Variants in LRBA observed in about 807,000 individuals in gnomAD.
LRBA encodes lipopolysaccharide-responsive and beige-like anchor protein.
In LRBA, 176 loss-of-function variants were observed where a neutral mutation model predicts 330.0. The observed-to-expected ratio is 0.53, with a 90% CI of 0.47 to 0.60. The LOEUF (loss-of-function observed/expected upper bound fraction) is 0.60. Ranked by LOEUF, LRBA falls within the 20% of genes least tolerant of loss-of-function variation. The pLI, the probability that LRBA is intolerant of heterozygous loss-of-function variation, is 0.00. For synonymous variants in LRBA, 1,230 were observed against 1,193.0 expected (o/e 1.03, Z -0.64); for missense variants, 3,259 against 3,444.8 (o/e 0.95, Z 1.35).
intron 36 of LRBA, among the ~76,000 whole-genome samples, chr4:150,686,307 A>T (rs535121242): frequency 2.0e-5 from 3 of 152,326 alleles, no homozygotes; most frequent in Non-Finnish European, 4.4e-5. Context: ...CCTACTAAGA[A>T]CTAGAATAAC....
At chr4:150,769,663 ACC>A (rs1736289342) in intron 34 of LRBA, among the ~76,000 whole-genome samples, 1 of 152,166 alleles carries the variant, frequency 6.6e-6, no homozygotes, top group Admixed American at 6.5e-5. Flanking sequence ...TACTCAGTCT[ACC>A]AATTTAAACT....
intron 44 of LRBA, among the ~76,000 whole-genome samples, chr4:150,449,450 A>G (rs1289446403): frequency 1.3e-5 from 2 of 151,602 alleles, no homozygotes; most frequent in Non-Finnish European, 2.9e-5. Context: ...GAATCAGGAG[A>G]ACTGAGGAGC....
intron 47 of LRBA, among the ~76,000 whole-genome samples, chr4:150,370,243 C>G (rs1740068766): frequency 6.6e-6 from 1 of 152,042 alleles, no homozygotes; most frequent in South Asian, 2.1e-4. Flanking sequence ...TAAATGCTTA[C>G]AGAAGTTTTA....
At chr4:150,597,009 G>C in intron 38 of LRBA, 2 of 723,300 alleles carry the variant, frequency 2.8e-6, no homozygotes, top group Non-Finnish European at 4.6e-6. Context: ...TATTTCAAAC[G>C]CAAGTTTTGT....
intron 44 of LRBA, among the ~76,000 whole-genome samples, chr4:150,460,052 CAA>C (rs1939303391): frequency 6.6e-6 from 1 of 151,660 alleles, no homozygotes; most frequent in Admixed American, 6.6e-5. Flanking sequence ...CCCCCACCCC[CAA>C]GAGTGTTCTT....
At chr4:150,547,224 G>A (rs1454792628) in intron 40 of LRBA, among the ~76,000 whole-genome samples, 1 of 152,074 alleles carries the variant, frequency 6.6e-6, no homozygotes, top group East Asian at 1.9e-4. Context: ...TTAGAATTAT[G>A]CAAGCAGATT....
At chr4:150,800,040 T>C (rs923013192) in intron 33 of LRBA, among the ~76,000 whole-genome samples, 11 of 152,224 alleles carry the variant, frequency 7.2e-5, no homozygotes, top group African/African-American at 2.7e-4. Context: ...CCACCATACC[T>C]GGCCCATATA....
rs901737045 is a variant in LRBA, at chr4:150,994,210, C to CACCACT, written c.216+20211_216+20216dup. ...ACCCCACCACCATCACCACCACCAC[C>CACCACT]ACCACTACCACTACCACTACCAAAG... On this transcript the variant is annotated intron_variant, in intron 2 of 56. Coordinates refer to ENST00000651943, the MANE Select transcript of LRBA (RefSeq NM_001364905.1). Among the ~76,000 whole-genome samples the CACCACT allele has an allele frequency of 3.9e-5, 6 of 152,116 alleles. No individual in the cohort carries two copies. In the South Asian group the frequency reaches 8.3e-4, roughly 21 times the overall value.
chr4:150,313,668 AGAGTT>A (rs1731347719), intron 51 of LRBA, among the ~76,000 whole-genome samples: 1 of 151,896 alleles, frequency 6.6e-6, no homozygotes, highest in East Asian at 1.9e-4. Flanking sequence ...CTATACTGGT[AGAGTT>A]AAGAACAGCT....
At chr4:150,431,735 C>T (rs1287252574) in intron 46 of LRBA, among the ~76,000 whole-genome samples, 3 of 151,470 alleles carry the variant, frequency 2.0e-5, no homozygotes, top group East Asian at 3.9e-4. Context: ...ATTATATTTC[C>T]ATTGGAGAGT....
At chr4:150,638,385 T>C (rs1344541157) in intron 37 of LRBA, among the ~76,000 whole-genome samples, 2 of 152,232 alleles carry the variant, frequency 1.3e-5, no homozygotes, top group Admixed American at 1.3e-4. Context: ...TTTATAGTTT[T>C]CAGTGTACCA....
intron 40 of LRBA, chr4:150,584,840 T>C (rs1036059500): frequency 1.3e-5 from 2 of 153,468 alleles, no homozygotes; most frequent in African/African-American, 2.4e-5. Flanking sequence ...TTTTGTAGAA[T>C]TGACTGTATA....
intron 36 of LRBA, among the ~76,000 whole-genome samples, chr4:150,720,503 G>A (rs1056329223): frequency 2.0e-5 from 3 of 151,714 alleles, no homozygotes; most frequent in Middle Eastern, 3.4e-3. Context: ...TAAATATCCC[G>A]GACAAAATAA....
In LRBA at chr4:150,935,900, A is replaced by T. The variant is rs191089176; in HGVS notation, c.217-6835T>A. On this transcript the variant is annotated intron_variant, in intron 2 of 56. Coordinates refer to ENST00000651943, the MANE Select transcript of LRBA (RefSeq NM_001364905.1). ...CAAAATAAATTCTAGATAACTTAAA[A>T]TATCAAAAGTTAAATTAGAAGCCAC... Among the ~76,000 whole-genome samples, 419 of 152,130 alleles carry T rather than the reference A, an allele frequency of 2.8e-3. 1 individual carries two copies. The highest frequency in any genetic ancestry group is 9.4e-3 in the African/African-American group (392 of 41,560).
rs112174101 is a variant in LRBA at position 150,281,316 on chromosome 4, C to T, written c.8316+1134G>A. On this transcript the variant is annotated intron_variant, in intron 55 of 56. Coordinates refer to ENST00000651943, the MANE Select transcript of LRBA (RefSeq NM_001364905.1). ...AAGCGAGTACGAGTGTGTCTCTGTG[C>T]GTGCCTCGTGGAGGCCGGCAGAATG... 5.1e-3 allele frequency among the ~76,000 whole-genome samples: 775 copies of T among 152,190 alleles called. 7 individuals are homozygous for T. The highest frequency in any genetic ancestry group is 0.018 in the African/African-American group (743 of 41,508).
intron 2 of LRBA, among the ~76,000 whole-genome samples, chr4:150,987,302 C>G (rs545212180): frequency 2.6e-5 from 4 of 152,286 alleles, no homozygotes; most frequent in Admixed American, 2.0e-4. Flanking sequence ...AAAGCCAATA[C>G]AGTAAGTACT....
At chr4:150,886,300 C>A (rs75768533) in intron 17 of LRBA, among the ~76,000 whole-genome samples, 1 of 152,120 alleles carries the variant, frequency 6.6e-6, no homozygotes, top group Non-Finnish European at 1.5e-5. Flanking sequence ...AAAAACTATG[C>A]TTCCAGTTAG....
In LRBA at chr4:150,266,090, C is replaced by T. The variant is rs547874817; in HGVS notation, c.8469-278G>A. Among the ~76,000 whole-genome samples, 98 of 30,076 alleles carry T rather than the reference C, an allele frequency of 3.3e-3. 2 individuals are homozygous for T. Among genetic ancestry groups the T allele is most frequent in the African/African-American group, 5.9e-3 (95 of 16,172 alleles). 19.7% of individuals were successfully genotyped at this position (30,076 alleles called of 152,430 possible). A position where few individuals can be genotyped will look rare whatever the true frequency, so the allele number is the denominator to read the frequency against. ...GCAGGATGAGTAACTAAAATCTGAACAGATTTGTAACTAAAATCTGAACAG... is the reference window on the plus strand; with the variant it reads ...GCAGGATGAGTAACTAAAATCTGAATAGATTTGTAACTAAAATCTGAACAG... On this transcript the variant is annotated intron_variant, in intron 56 of 56. Coordinates refer to ENST00000651943, the MANE Select transcript of LRBA (RefSeq NM_001364905.1).
chr4:150,305,506 A>C (rs1730245883), intron 52 of LRBA, among the ~76,000 whole-genome samples: 1 of 152,216 alleles, frequency 6.6e-6, no homozygotes, highest in South Asian at 2.1e-4. Context: ...GAACAAATAG[A>C]CATGGTCCCT....
Sources: gnomAD v4.1 joint callset for allele counts (sites outside exome capture counted in the v4.1 genomes callset) on GRCh38, gnomAD v4.1.1 for gene constraint, MANE v1.5 for transcripts, NCBI Gene and HGNC (gene_info 2026-07-23, HGNC 2026-07-21) for gene names.